ZSWIM2: variants seen among roughly 807,000 people sequenced by gnomAD.
ZSWIM2 encodes E3 ubiquitin-protein ligase ZSWIM2.
In ZSWIM2, 38 loss-of-function variants were observed where a neutral mutation model predicts 48.4. The ratio of observed to expected loss-of-function variants is 0.79; its 90% CI spans 0.61 to 1.03. ZSWIM2 has a LOEUF of 1.03. ZSWIM2 is among the 50% of genes least tolerant of loss of function. The pLI is 0.00. For missense variants in ZSWIM2, 776 were observed against 730.2 expected, an observed-to-expected ratio of 1.06 and a Z score of -0.72; for synonymous variants, 240 against 251.3, an observed-to-expected ratio of 0.96 and a Z score of 0.42.
chr2:186,828,677 T>C lies in ZSWIM2; in HGVS notation c.1209A>G (p.Gln403=), dbSNP rs1183390421. 7 of 1,613,288 alleles carry C rather than the reference T, an allele frequency of 4.3e-6. No homozygotes were observed. Among genetic ancestry groups the C allele is most frequent in the Non-Finnish European group, 5.9e-6 (7 of 1,179,636 alleles). ...CTCTGTTTGAAACAGACTGATGTGC[T>C]TGTCCATTCACTGCTGAATTTTTCC... The part of the protein sequence containing the change: ...LTWKNSAVNG[Q]AHQSVSNRDI... Residue 403 remains glutamine, a synonymous_variant, in exon 9 of 9, where the codon CAA becomes CAG. Coordinates refer to ENST00000295131, the MANE Select transcript of ZSWIM2 (RefSeq NM_182521.3).
In ZSWIM2 at chr2:186,847,758, G is replaced by A; in HGVS notation, c.203C>T (p.Thr68Ile). The A allele has an allele frequency of 6.2e-7, 1 of 1,607,178 alleles. No individual in the cohort carries two copies. The highest frequency in any genetic ancestry group is 8.5e-7 in the Non-Finnish European group (1 of 1,176,426). ...ACAAAGTTCCCCTCCTTTCGGAAAT[G>A]TGGAACAGTTACAAACGTGAGGATT... ...LGNPHVCNCS[T>I]FPKGGELCKH... The change falls in exon 2 of 9, where the codon ACA becomes ATA. Residue 68 changes from threonine to isoleucine, a missense_variant. Transcript: ENST00000295131.
rs10195758 is a variant in ZSWIM2, at chr2:186,828,428, A to T, written c.1458T>A (p.Asp486Glu). Residue 486 changes from aspartate to glutamate, a missense_variant, in exon 9 of 9, where the codon GAT becomes GAA. By Grantham distance (45) the Asp-to-Glu change is conservative. Coordinates refer to ENST00000295131, the MANE Select transcript of ZSWIM2 (RefSeq NM_182521.3). ...TGGGAAAATGTTGGCTAATTTTATA[A>T]TCATAGGTTAATTTTTTTGAATTTG... Reference protein sequence around the residue: ...DNSNSKKLTYDYKISQHFPRY... With the variant: ...DNSNSKKLTYEYKISQHFPRY... 0.12 allele frequency: 192,887 copies of T among 1,612,702 alleles called. 15,164 individuals are homozygous for T. Among genetic ancestry groups the T allele is most frequent in the African/African-American group, 0.4 (30,156 of 74,832 alleles).
intron 1 of ZSWIM2, 167 bp downstream of exon 1, chr2:186,848,798 AT>A (rs1692048949): frequency 1.2e-6 from 1 of 805,166 alleles, no homozygotes; most frequent in Admixed American, 2.5e-5. Flanking sequence ...TCCTTCTGTA[AT>A]TTCACGTATT....
chr2:186,844,706 C>T lies in ZSWIM2; in HGVS notation c.283+11G>A. On this transcript the variant is annotated intron_variant, in intron 3 of 8. Transcript: ENST00000295131. ...AAAAAAAACACAAAAAACCCAAACC[C>T]CAAAACTTACATTCATGGTTCCTTG... The T allele has an allele frequency of 1.3e-6, 2 of 1,552,066 alleles. No individual in the cohort carries two copies. The highest frequency in any genetic ancestry group is 1.7e-4 in the Middle Eastern group (1 of 5,842).
In ZSWIM2 at chr2:186,828,205, T is replaced by C. The variant is rs764418183; in HGVS notation, c.1681A>G (p.Thr561Ala). Residue 561 changes from threonine to alanine, a missense_variant, in exon 9 of 9, where the codon ACT (threonine) becomes GCT (alanine). Thr to Ala is a moderately conservative substitution (Grantham distance 58). Coordinates refer to ENST00000295131, the MANE Select transcript of ZSWIM2 (RefSeq NM_182521.3). ...NNHNLKKTPA[T>A]KIREDNKRST... ...CTCTTGTTGTCCTCTCTTATTTTAG[T>C]GGCAGGAGTCTTCTTTAGGTTGTGG... 1.9e-6 allele frequency: 3 copies of C among 1,613,586 alleles called. No homozygotes were observed. Among genetic ancestry groups the C allele is most frequent in the Non-Finnish European group, 2.5e-6 (3 of 1,179,752 alleles).
At chr2:186,837,251 C>G in intron 5 of ZSWIM2, 55 bp downstream of exon 5, 1 of 1,588,498 alleles carries the variant, frequency 6.3e-7, no homozygotes. Context: ...TCAAAGTTTC[C>G]TGATGTAAAA....
rs1312851408 is a variant in ZSWIM2, at chr2:186,837,547, A to T, written c.502T>A (p.Cys168Ser). The T allele has an allele frequency of 6.2e-7, 1 of 1,608,658 alleles. No individual in the cohort carries two copies. Among genetic ancestry groups the T allele is most frequent in the African/African-American group, 1.3e-5 (1 of 74,592 alleles). Residue 168 changes from cysteine (C) to serine (S), a missense_variant, in exon 5 of 9, where the codon TGT becomes AGT. Physicochemically the swap from Cys to Ser is moderately radical, Grantham distance 112. Coordinates refer to ENST00000295131, the MANE Select transcript of ZSWIM2 (RefSeq NM_182521.3). The part of the protein sequence containing the change: ...KLPVTFCRFG[C>S]GNSIHIKCMK... ...CATTTTATATGAATACTATTGCCAC[A>T]GCCAAACCTATGAGAGATAAAATTG...
intron 7 of ZSWIM2, among the ~76,000 whole-genome samples, chr2:186,831,993 G>A (rs1304308557): frequency 6.6e-6 from 1 of 152,058 alleles, no homozygotes; most frequent in Non-Finnish European, 1.5e-5. Context: ...CCTGCACGTT[G>A]TGCACATGTA....
chr2:186,831,921 GC>G (rs1691706431), intron 7 of ZSWIM2, among the ~76,000 whole-genome samples: 1 of 151,948 alleles, frequency 6.6e-6, no homozygotes, highest in South Asian at 2.1e-4. Flanking sequence ...TATACCTAAT[GC>G]TAAATGACGA....
At chr2:186,837,691 G>A (rs1691823415) in intron 4 of ZSWIM2, 137 bp from the exon 5 acceptor site, 1 of 248,168 alleles carries the variant, frequency 4.0e-6, no homozygotes, top group Non-Finnish European at 6.6e-6. Context: ...CAAAAAAATA[G>A]ATTCTGAACT....
intron 3 of ZSWIM2, among the ~76,000 whole-genome samples, chr2:186,839,475 G>C (rs557735488): frequency 6.6e-6 from 1 of 151,594 alleles, no homozygotes; most frequent in South Asian, 2.1e-4. Flanking sequence ...CTTATACTTC[G>C]ACCTGTTCAC....
intron 3 of ZSWIM2, among the ~76,000 whole-genome samples, chr2:186,840,106 C>T (rs778249953): frequency 2.6e-5 from 4 of 151,518 alleles, no homozygotes; most frequent in Non-Finnish European, 4.4e-5. Context: ...ATACAGAAAT[C>T]GCAGTTCCCT....
intron 7 of ZSWIM2, 127 bp from the exon 8 acceptor site, chr2:186,830,007 A>G: frequency 1.1e-6 from 1 of 873,552 alleles, no homozygotes; most frequent in Middle Eastern, 3.0e-4. Flanking sequence ...TGAACTAAAG[A>G]TAATAAATCT....
chr2:186,848,669 C>A (rs3100021), intron 1 of ZSWIM2: 209,185 of 305,584 alleles, frequency 0.68, 72,585 homozygotes, highest in East Asian at 0.88. Context: ...CATGTAATGC[C>A]AACCAGGTAT....
chr2:186,831,018 A>T (rs1317885579), intron 7 of ZSWIM2, among the ~76,000 whole-genome samples: 1 of 151,966 alleles, frequency 6.6e-6, no homozygotes, highest in Non-Finnish European at 1.5e-5. Flanking sequence ...TATTTTTAGT[A>T]CTCTTTTAAG....
rs1316229843 is a variant in ZSWIM2, at chr2:186,843,119, TATA to T, written c.283+1595_283+1597del. ...TACTTCCCTGTTTCTTTTTACTTCT[TATA>T]ATATGGCTACTAGAAAATTACATAT... On this transcript the variant is annotated intron_variant, in intron 3 of 8. Coordinates refer to ENST00000295131, the MANE Select transcript of ZSWIM2 (RefSeq NM_182521.3). Among the ~76,000 whole-genome samples, 3 of 151,812 alleles carry T rather than the reference TATA, an allele frequency of 2.0e-5. No individual in the cohort carries two copies. The East Asian group carries it at 5.8e-4, about 29-fold the overall frequency.
In ZSWIM2 at chr2:186,828,803, G is replaced by C. The variant is rs776528300; in HGVS notation, c.1096-13C>G. 2.0e-5 allele frequency: 29 copies of C among 1,482,300 alleles called. No individual in the cohort carries two copies. In the South Asian group the frequency reaches 3.2e-4, roughly 16 times the overall value. The allele number at this position is 1,482,300 out of a possible 1,614,324, so 91.8% of individuals were successfully genotyped here. A position where few individuals can be genotyped will look rare whatever the true frequency, so the allele number is the denominator to read the frequency against. On this transcript the variant is annotated splice_polypyrimidine_tract_variant and intron_variant, in intron 8 of 8. Coordinates refer to ENST00000295131, the MANE Select transcript of ZSWIM2 (RefSeq NM_182521.3). The stretch of plus-strand genomic sequence containing the variant: ...ACTTCCTGTGAAACTTTAAAAAAAA[G>C]GTAAGCTAATCAGAACTATACCAAT...
intron 5 of ZSWIM2, among the ~76,000 whole-genome samples, chr2:186,834,831 A>C (rs532648845): frequency 6.6e-6 from 1 of 152,318 alleles, no homozygotes; most frequent in South Asian, 2.1e-4. Context: ...TGATTATACA[A>C]GACTTATCCA....
At chr2:186,844,030 T>C (rs1486906563) in intron 3 of ZSWIM2, among the ~76,000 whole-genome samples, 1 of 151,640 alleles carries the variant, frequency 6.6e-6, no homozygotes, top group Admixed American at 6.6e-5. Flanking sequence ...ATCAGAAACA[T>C]TTATTAATAC....
Sources: allele counts gnomAD v4.1 joint callset (sites outside exome capture counted in the v4.1 genomes callset), GRCh38; gene constraint gnomAD v4.1.1; transcripts MANE v1.5; gene names NCBI Gene and HGNC (gene_info 2026-07-23, HGNC 2026-07-21).